Variants in IL13RA2 observed in about 807,000 individuals in gnomAD.
IL13RA2 encodes interleukin-13 receptor subunit alpha-2.
IL13RA2 carries 25 observed loss-of-function variants against 34.1 expected under a neutral mutation model. That is an observed-to-expected ratio of 0.73 (90% CI 0.53 to 1.03). IL13RA2 has a LOEUF of 1.03. IL13RA2 is among the 50% of genes least tolerant of loss of function. The probability of loss-of-function intolerance (pLI) is 0.00; values close to 1 mark genes in which losing one functional copy is unlikely to be tolerated. For missense variants in IL13RA2, 297 were observed against 280.9 expected, an observed-to-expected ratio of 1.06 and a Z score of -0.41; for synonymous variants, 106 against 100.4, an observed-to-expected ratio of 1.06 and a Z score of -0.33.
intron 8 of IL13RA2, among the ~76,000 whole-genome samples, chrX:115,006,811 T>C (rs1262461345): frequency 8.9e-6 from 1 of 112,398 alleles, no homozygotes; most frequent in East Asian, 2.8e-4. Flanking sequence ...CCATAACCAC[T>C]TTATACAATG....
At position 115,010,373 on chromosome X, in the gene IL13RA2, G is replaced by T. The variant is rs906812877; in HGVS notation, c.706+271C>A. On this transcript the variant is annotated intron_variant, in intron 6 of 9. Coordinates refer to ENST00000243213, the MANE Select transcript of IL13RA2 (RefSeq NM_000640.3). The stretch of plus-strand genomic sequence containing the variant: ...ACTGTATAGCAGACAAACTGAAGAT[G>T]GAAAATAAAATTGTGAGTTCTAAAT... Among the ~76,000 whole-genome samples the T allele has an allele frequency of 2.7e-5, 3 of 111,834 alleles. No homozygotes were observed. The East Asian group carries it at 8.4e-4, about 31-fold the overall frequency.
intron 3 of IL13RA2, 57 bp from the exon 4 acceptor site, chrX:115,014,631 G>A (rs1228891104): frequency 2.3e-6 from 2 of 873,276 alleles, no homozygotes; most frequent in African/African-American, 2.0e-5. Context: ...GGTATAGTGA[G>A]CTATATTAAT....
At chrX:115,009,217 T>A (rs782720783) in intron 7 of IL13RA2, among the ~76,000 whole-genome samples, 85 of 109,638 alleles carry the variant, frequency 7.8e-4, no homozygotes, top group African/African-American at 2.2e-3. Context: ...TTTTTTTTTT[T>A]AATTTTGTTT....
chrX:115,013,882 T>C lies in IL13RA2; in HGVS notation c.408A>G (p.Pro136=). The part of the protein sequence containing the change: ...TTYWISPQGI[P]ETKVQDMDCV... ...AATCCATATCCTGAACTTTAGTTTC[T>C]GGAATTCCTAAGGAACAAATCAACT... Residue 136 remains proline, a synonymous_variant, in exon 5 of 10, where the codon CCA becomes CCG. Coordinates refer to ENST00000243213, the MANE Select transcript of IL13RA2 (RefSeq NM_000640.3). 1 of 1,051,411 alleles carries C rather than the reference T, an allele frequency of 9.5e-7. No homozygotes were observed. Among genetic ancestry groups the C allele is most frequent in the Non-Finnish European group, 1.3e-6 (1 of 751,789 alleles). 86.6% of individuals were successfully genotyped at this position (1,051,411 alleles called of 1,213,427 possible).
At chrX:115,005,131 C>G (rs1556507175) in intron 9 of IL13RA2, 66 bp downstream of exon 9, 1 of 589,028 alleles carries the variant, frequency 1.7e-6, no homozygotes. Flanking sequence ...TCCATCAGTT[C>G]TAAGTGCAGA....
chrX:115,012,627 T>C (rs1352947909), intron 5 of IL13RA2, among the ~76,000 whole-genome samples: 1 of 110,600 alleles, frequency 9.0e-6, no homozygotes, highest in African/African-American at 3.3e-5. Context: ...TAGCCAGGTG[T>C]GGTGGCACAC....
intron 6 of IL13RA2, among the ~76,000 whole-genome samples, chrX:115,010,282 T>C (rs2071701122): frequency 8.9e-6 from 1 of 111,812 alleles, no homozygotes; most frequent in South Asian, 3.7e-4. Context: ...TATCCAGCCA[T>C]TTGTCTATTG....
intron 9 of IL13RA2, 88 bp from the exon 10 acceptor site, chrX:115,004,194 G>T (rs1381471894): frequency 3.9e-6 from 2 of 513,486 alleles, no homozygotes; most frequent in Admixed American, 3.1e-5. Context: ...AAGCACAAGA[G>T]CATTCAGCAA....
Position 115,017,233 on chromosome X carries a change from T to C in IL13RA2, c.37A>G (p.Thr13Ala). The C allele has an allele frequency of 9.8e-7, 1 of 1,020,034 alleles. No homozygotes were observed. The highest frequency in any genetic ancestry group is 1.4e-6 in the Non-Finnish European group (1 of 723,522). 84.1% of individuals were successfully genotyped at this position (1,020,034 alleles called of 1,213,427 possible). Residue 13 changes from threonine to alanine, a missense_variant, in exon 2 of 10, where the codon ACC (threonine) becomes GCC (alanine). Thr to Ala is a moderately conservative substitution (Grantham distance 58, BLOSUM62 0). Transcript: ENST00000243213. ...CCAAATGTTGTGCTTATCAGAAAGG[T>C]ATATAAGCATCCGATAGCCAAGCAA... ...FVCLAIGCLY[T>A]FLISTTFGCT...
intron 5 of IL13RA2, among the ~76,000 whole-genome samples, chrX:115,012,774 A>C (rs1556508916): frequency 1.1e-5 from 1 of 92,453 alleles, no homozygotes; most frequent in East Asian, 2.8e-4. Context: ...TCAAACAAAC[A>C]AACAAAAAAA....
At position 115,017,500 on chromosome X, in the gene IL13RA2, C is replaced by A. The variant is rs2071733140; in HGVS notation, c.-34+53G>T. The A allele has an allele frequency of 1.6e-5, 5 of 312,942 alleles. No individual in the cohort carries two copies. In the South Asian group the frequency reaches 2.6e-4, roughly 16 times the overall value. 25.8% of individuals were successfully genotyped at this position (312,942 alleles called of 1,213,427 possible). A position where few individuals can be genotyped will look rare whatever the true frequency, so the allele number is the denominator to read the frequency against. ...TGGAAAGAAAGGATTCTAGTCTCAT[C>A]CTGCTTACAAGAATAAAAACAAAGC... On this transcript the variant is annotated intron_variant, in intron 1 of 9. Transcript: ENST00000243213.
chrX:115,013,746 A>G (rs782770181), intron 5 of IL13RA2, 23 bp downstream of exon 5: 1 of 877,006 alleles, frequency 1.1e-6, no homozygotes, highest in South Asian at 2.2e-5. Flanking sequence ...TTAATATGGA[A>G]TTCTAATTAT....
intron 2 of IL13RA2, among the ~76,000 whole-genome samples, chrX:115,016,176 G>GT (rs1222204545): frequency 5.4e-5 from 6 of 111,678 alleles, no homozygotes; most frequent in African/African-American, 2.0e-4. Flanking sequence ...TGCTTAATGG[G>GT]TTTAGGGGCT....
chrX:115,005,609 G>A (rs782241142), intron 8 of IL13RA2, among the ~76,000 whole-genome samples: 1 of 111,637 alleles, frequency 9.0e-6, no homozygotes, highest in Non-Finnish European at 1.9e-5. Context: ...TTGACCTTGT[G>A]AATTCTCCAT....
At chrX:115,005,568 T>C (rs1201553572) in intron 8 of IL13RA2, among the ~76,000 whole-genome samples, 1 of 112,164 alleles carries the variant, frequency 8.9e-6, no homozygotes, top group Non-Finnish European at 1.9e-5. Context: ...CCAAACACAA[T>C]TCTTATTTCC....
At chrX:115,008,216 C>A in intron 7 of IL13RA2, 140 bp from the exon 8 acceptor site, 2 of 480,825 alleles carry the variant, frequency 4.2e-6, no homozygotes, top group East Asian at 3.8e-5. Context: ...TGCATAATCC[C>A]AGCAGTAATT....
At chrX:115,012,725 A>G (rs932056478) in intron 5 of IL13RA2, among the ~76,000 whole-genome samples, 97 of 110,517 alleles carry the variant, frequency 8.8e-4, no homozygotes, top group Non-Finnish European at 1.5e-3. Context: ...AGATGGCACC[A>G]CTGCACTCCA....
Position 115,017,156 on chromosome X carries a change from T to G in IL13RA2, c.94+20A>C. The G allele has an allele frequency of 3.0e-6, 2 of 655,975 alleles. No homozygotes were observed. The highest frequency in any genetic ancestry group is 5.0e-6 in the Non-Finnish European group (2 of 400,510). The allele number at this position is 655,975 out of a possible 1,213,427, so 54.1% of individuals were successfully genotyped here. On this transcript the variant is annotated intron_variant, in intron 2 of 9. Transcript: ENST00000243213. ...TTTACTTTTCCTAATTTAAAAACTATTCCATTAAAATCCATTTACCTTTTA... is the reference window on the plus strand; with the variant it reads ...TTTACTTTTCCTAATTTAAAAACTAGTCCATTAAAATCCATTTACCTTTTA...
intron 2 of IL13RA2, 89 bp downstream of exon 2, chrX:115,017,087 G>A: frequency 1.8e-6 from 1 of 546,726 alleles, no homozygotes; most frequent in Non-Finnish European, 3.2e-6. Context: ...CTTCCATAAG[G>A]CAGGTCAAAA....
Sources: gnomAD v4.1 joint callset for allele counts (sites outside exome capture counted in the v4.1 genomes callset) on GRCh38, gnomAD v4.1.1 for gene constraint, MANE v1.5 for transcripts, NCBI Gene and HGNC (gene_info 2026-07-23, HGNC 2026-07-21) for gene names.